Variants in C1orf185 observed in about 807,000 individuals in gnomAD.
C1orf185 encodes uncharacterized protein C1orf185.
In C1orf185, 13 loss-of-function variants were observed where a neutral mutation model predicts 16.1. The observed-to-expected ratio is 0.81, with a 90% CI of 0.53 to 1.28. The LOEUF (loss-of-function observed/expected upper bound fraction) is 1.28, where lower values mean the gene tolerates loss of function less well. Among genes scored for constraint, C1orf185 ranks in the 50% most tolerant of loss-of-function variants. The pLI is 0.00. For missense variants in C1orf185, 220 were observed against 225.2 expected, an observed-to-expected ratio of 0.98 and a Z score of 0.15; for synonymous variants, 80 against 76.9, an observed-to-expected ratio of 1.04 and a Z score of -0.21.
chr1:51,108,746 T>G (rs1383890583), intron 1 of C1orf185, among the ~76,000 whole-genome samples: 1 of 152,200 alleles, frequency 6.6e-6, no homozygotes, highest in Non-Finnish European at 1.5e-5. Flanking sequence ...CTGCAAATGT[T>G]TCATTTGTTA....
At chr1:51,144,138 A>C (rs1646384037) in intron 3 of C1orf185, among the ~76,000 whole-genome samples, 1 of 152,186 alleles carries the variant, frequency 6.6e-6, no homozygotes, top group Non-Finnish European at 1.5e-5. Flanking sequence ...TAATCAGTCT[A>C]GGGCCTTAAT....
At chr1:51,132,311 C>A (rs1264733425) in intron 3 of C1orf185, among the ~76,000 whole-genome samples, 2 of 152,062 alleles carry the variant, frequency 1.3e-5, no homozygotes, top group Admixed American at 6.6e-5. Flanking sequence ...TCCAGAAGTG[C>A]ATTGAAACCC....
At chr1:51,112,715 G>A (rs1646130316) in intron 2 of C1orf185, 146 bp downstream of exon 2, 4 of 643,906 alleles carry the variant, frequency 6.2e-6, no homozygotes, top group African/African-American at 1.9e-5. Context: ...GGTTGGGGAC[G>A]GAAGGCTTTA....
At chr1:51,117,626 T>G (rs566885677) in intron 2 of C1orf185, among the ~76,000 whole-genome samples, 1 of 152,146 alleles carries the variant, frequency 6.6e-6, no homozygotes, top group Non-Finnish European at 1.5e-5. Context: ...GCTTTTAAGA[T>G]TGACCTCTTT....
intron 3 of C1orf185, among the ~76,000 whole-genome samples, chr1:51,141,420 A>G (rs1342730922): frequency 6.6e-6 from 1 of 152,118 alleles, no homozygotes; most frequent in Non-Finnish European, 1.5e-5. Context: ...TAAGCCCAGG[A>G]GGTTGAGGCT....
Position 51,147,927 on chromosome 1 carries a change from C to CTT in C1orf185, c.*162_*163dup, listed in dbSNP as rs1482891520. 2 of 666,092 alleles carry CTT rather than the reference C, an allele frequency of 3.0e-6. No homozygotes were observed. Among genetic ancestry groups the CTT allele is most frequent in the Admixed American group, 7.2e-5 (2 of 27,910 alleles). 41.3% of individuals were successfully genotyped at this position (666,092 alleles called of 1,614,324 possible). On this transcript the variant is annotated 3_prime_UTR_variant, in exon 5 of 5. Coordinates refer to ENST00000371759, the MANE Select transcript of C1orf185 (RefSeq NM_001136508.2). ...TCTTAACATGTCCATGCTAATATTG[C>CTT]TTTTTTTGTTCTTTACCATAGAGCG...
At chr1:51,130,473 C>G (rs1026344925) in intron 3 of C1orf185, among the ~76,000 whole-genome samples, 1 of 151,992 alleles carries the variant, frequency 6.6e-6, no homozygotes, top group African/African-American at 2.4e-5. Context: ...ACATGTGCCA[C>G]TACACTCCAA....
At chr1:51,119,756 C>T (rs931279497) in intron 3 of C1orf185, among the ~76,000 whole-genome samples, 8 of 152,170 alleles carry the variant, frequency 5.3e-5, no homozygotes, top group Middle Eastern at 3.2e-3. Flanking sequence ...GCTATGACTG[C>T]GCTACTGCAC....
rs771225617 is a variant in C1orf185, at chr1:51,118,671, T to C, written c.128T>C (p.Ile43Thr). ...LWFLICKRREIFQNSKFKAID... is the reference protein window; with the variant it reads ...LWFLICKRRETFQNSKFKAID... ...CTTTATAAAATATTTTTCAGAGAAA[T>C]ATTTCAAAATTCCAAATTTAAAGCA... Residue 43 changes from isoleucine (I) to threonine (T), a missense_variant, in exon 3 of 5, where the codon ATA (isoleucine) becomes ACA (threonine). Coordinates refer to ENST00000371759, the MANE Select transcript of C1orf185 (RefSeq NM_001136508.2). 3 of 1,388,816 alleles carry C rather than the reference T, an allele frequency of 2.2e-6. No homozygotes were observed. The highest frequency in any genetic ancestry group is 1.9e-6 in the Non-Finnish European group (2 of 1,049,730). 86.0% of individuals were successfully genotyped at this position (1,388,816 alleles called of 1,614,324 possible).
chr1:51,119,134 G>C (rs1189917783), intron 3 of C1orf185, among the ~76,000 whole-genome samples: 4 of 152,188 alleles, frequency 2.6e-5, no homozygotes, highest in African/African-American at 9.6e-5. Context: ...AGATACTCCA[G>C]ATAGCCTAAC....
intron 2 of C1orf185, among the ~76,000 whole-genome samples, 174 bp downstream of exon 2, chr1:51,112,743 G>C (rs1367758358): frequency 6.6e-6 from 1 of 151,602 alleles, no homozygotes; most frequent in Non-Finnish European, 1.5e-5. Context: ...TAAGTAGCCT[G>C]AAAAAAGAAG....
intron 3 of C1orf185, among the ~76,000 whole-genome samples, chr1:51,142,519 C>A (rs117029663): frequency 6.6e-6 from 1 of 152,288 alleles, no homozygotes; most frequent in East Asian, 1.9e-4. Flanking sequence ...CTAGTGAAGT[C>A]ATCTAGAGTT....
At chr1:51,140,049 G>A (rs1289861975) in intron 3 of C1orf185, among the ~76,000 whole-genome samples, 3 of 152,124 alleles carry the variant, frequency 2.0e-5, no homozygotes, top group Admixed American at 1.3e-4. Context: ...CTTGATGTCA[G>A]TGATACAAAA....
chr1:51,143,996 G>T lies in C1orf185; in HGVS notation c.259-1728G>T, dbSNP rs1347080669. Among the ~76,000 whole-genome samples, 4 of 152,288 alleles carry T rather than the reference G, an allele frequency of 2.6e-5. No individual in the cohort carries two copies. The South Asian group carries it at 8.3e-4, about 32-fold the overall frequency. On this transcript the variant is annotated intron_variant, in intron 3 of 4. Transcript: ENST00000371759. ...GGTAGCTGAATGTTTATACAAAACC[G>T]AAATTATTTACTTGGCATAATAAAT...
At chr1:51,145,046 C>A (rs780857458) in intron 3 of C1orf185, among the ~76,000 whole-genome samples, 1 of 152,088 alleles carries the variant, frequency 6.6e-6, no homozygotes, top group Non-Finnish European at 1.5e-5. Flanking sequence ...CATGCACATC[C>A]GGTAATTCTA....
At chr1:51,103,594 C>T (rs952157453) in intron 1 of C1orf185, among the ~76,000 whole-genome samples, 13 of 147,130 alleles carry the variant, frequency 8.8e-5, no homozygotes, top group Admixed American at 1.4e-4. Context: ...AGTGCAGTGG[C>T]GCAATCTCGG....
At chr1:51,130,991 C>G (rs753889865) in intron 3 of C1orf185, among the ~76,000 whole-genome samples, 3 of 152,228 alleles carry the variant, frequency 2.0e-5, no homozygotes, top group Admixed American at 6.5e-5. Flanking sequence ...CAACCTCCAC[C>G]TCCCAGGTTC....
chr1:51,117,490 A>T (rs1362018456), intron 2 of C1orf185, among the ~76,000 whole-genome samples: 1 of 152,038 alleles, frequency 6.6e-6, no homozygotes. Flanking sequence ...ACTGCCCTAA[A>T]AGTCCTTTAT....
chr1:51,132,881 G>T (rs1277978327), intron 3 of C1orf185, among the ~76,000 whole-genome samples: 1 of 152,144 alleles, frequency 6.6e-6, no homozygotes. Context: ...AACCCTACAA[G>T]CCAGAAGAGA....
Sources: gnomAD v4.1 joint callset for allele counts (sites outside exome capture counted in the v4.1 genomes callset) on GRCh38, gnomAD v4.1.1 for gene constraint, MANE v1.5 for transcripts, NCBI Gene and HGNC (gene_info 2026-07-23, HGNC 2026-07-21) for gene names.